SLC12A2: variants seen among roughly 807,000 people sequenced by gnomAD.
SLC12A2 encodes the protein Na-K-2Cl cotransporter 1.
A neutral mutation model predicts 136.3 loss-of-function variants in SLC12A2; 67 were observed. That is an observed-to-expected ratio of 0.49 (90% CI 0.40 to 0.60). The LOEUF is 0.60. Ranked by LOEUF, SLC12A2 falls within the 20% of genes least tolerant of loss-of-function variation. The pLI is 0.00. For synonymous variants in SLC12A2, 619 were observed against 562.9 expected (o/e 1.10, Z -1.41); for missense variants, 1,322 against 1,534.7 (o/e 0.86, Z 2.32).
At chr5:128,116,400 T>C (rs927583007) in intron 4 of SLC12A2, among the ~76,000 whole-genome samples, 1 of 147,358 alleles carries the variant, frequency 6.8e-6, no homozygotes, top group Non-Finnish European at 1.5e-5. Context: ...TATAAATATA[T>C]ATATATATAT....
At chr5:128,179,948 C>CCTTTTT (rs1763651081) in intron 22 of SLC12A2, among the ~76,000 whole-genome samples, 1 of 50,444 alleles carries the variant, frequency 2.0e-5, no homozygotes, top group Non-Finnish European at 4.0e-5. Flanking sequence ...CCAATCGTTC[C>CCTTTTT]TTTTTTTTTT....
chr5:128,172,689 C>T (rs1030322824), intron 19 of SLC12A2, among the ~76,000 whole-genome samples: 3 of 152,050 alleles, frequency 2.0e-5, no homozygotes, highest in Admixed American at 6.6e-5. Context: ...GGCTGGGCAC[C>T]GTGGCCCATG....
intron 9 of SLC12A2, among the ~76,000 whole-genome samples, chr5:128,141,200 C>T (rs537533906): frequency 6.6e-6 from 1 of 152,196 alleles, no homozygotes; most frequent in South Asian, 2.1e-4. Flanking sequence ...TATTACCCAG[C>T]TTCAAAAAAG....
At position 128,134,077 on chromosome 5, in the gene SLC12A2, G is replaced by C. The variant is rs370619701; in HGVS notation, c.1189-88G>C. On this transcript the variant is annotated intron_variant, in intron 5 of 26. Coordinates refer to ENST00000262461, the MANE Select transcript of SLC12A2 (RefSeq NM_001046.3). ...ATTCAACTTCTTCATGTAAGGCACC[G>C]TAATATCTCTAAAATGTTTCAAAAG... 2.3e-5 allele frequency: 16 copies of C among 688,828 alleles called. No individual in the cohort carries two copies. The African/African-American group carries it at 2.7e-4, about 12-fold the overall frequency. The allele number at this position is 688,828 out of a possible 1,614,324, so 42.7% of individuals were successfully genotyped here. A position where few individuals can be genotyped will look rare whatever the true frequency, so the allele number is the denominator to read the frequency against.
intron 1 of SLC12A2, among the ~76,000 whole-genome samples, chr5:128,092,773 A>G (rs762908396): frequency 4.7e-4 from 72 of 152,280 alleles, no homozygotes; most frequent in Admixed American, 1.6e-3. Context: ...TTTGATTACT[A>G]TATTGGACAG....
Position 128,174,686 on chromosome 5 carries a change from T to G in SLC12A2, c.2929+20T>G, listed in dbSNP as rs1763487678. 1 of 1,526,618 alleles carries G rather than the reference T, an allele frequency of 6.6e-7. No homozygotes were observed. Among genetic ancestry groups the G allele is most frequent in the Admixed American group, 2.0e-5 (1 of 48,834 alleles). The allele number at this position is 1,526,618 out of a possible 1,614,324, so 94.6% of individuals were successfully genotyped here. Reference sequence around the variant, plus strand: ...ACAAAGGTAATTTTCATTCAAACAATAAGTCTTATTAATAGTAATGTTTTA... The same window carrying G: ...ACAAAGGTAATTTTCATTCAAACAAGAAGTCTTATTAATAGTAATGTTTTA... On this transcript the variant is annotated intron_variant, in intron 20 of 26. Transcript: ENST00000262461.
intron 1 of SLC12A2, among the ~76,000 whole-genome samples, chr5:128,100,012 A>C (rs1462427051): frequency 6.6e-6 from 1 of 152,170 alleles, no homozygotes; most frequent in Non-Finnish European, 1.5e-5. Context: ...TATTGTTATC[A>C]AGTGTTATAT....
At chr5:128,089,252 A>G (rs1760219027) in intron 1 of SLC12A2, among the ~76,000 whole-genome samples, 1 of 151,160 alleles carries the variant, frequency 6.6e-6, no homozygotes. Flanking sequence ...GACAGGCACC[A>G]TGGTAGGAGC....
chr5:128,174,759 C>A, intron 20 of SLC12A2, 93 bp downstream of exon 20: 1 of 1,055,056 alleles, frequency 9.5e-7, no homozygotes, highest in Non-Finnish European at 1.3e-6. Flanking sequence ...ATAAAAATAA[C>A]CTGTTCTCAA....
intron 1 of SLC12A2, among the ~76,000 whole-genome samples, chr5:128,095,816 G>C (rs532821248): frequency 6.6e-5 from 10 of 152,272 alleles, no homozygotes; most frequent in Admixed American, 3.9e-4. Context: ...GTGGTTTTTA[G>C]AGTTTTCCTG....
At chr5:128,126,138 A>C (rs528751117) in intron 4 of SLC12A2, among the ~76,000 whole-genome samples, 11 of 152,284 alleles carry the variant, frequency 7.2e-5, no homozygotes, top group African/African-American at 2.6e-4. Flanking sequence ...TAGCATTTTC[A>C]TATAAATTTT....
At chr5:128,149,308 G>A (rs1762624083) in intron 12 of SLC12A2, among the ~76,000 whole-genome samples, 1 of 151,816 alleles carries the variant, frequency 6.6e-6, no homozygotes, top group African/African-American at 2.4e-5. Flanking sequence ...AAAGGCTGAT[G>A]TACCACAAGT....
intron 4 of SLC12A2, 76 bp downstream of exon 4, chr5:128,114,757 T>C: frequency 1.1e-6 from 1 of 938,172 alleles, no homozygotes; most frequent in Non-Finnish European, 1.7e-6. Context: ...TTTTTAATTA[T>C]TTTTTACTTT....
rs750986604 is a variant in SLC12A2, at chr5:128,109,760, G to T, written c.757-3054G>T. 4.1e-5 allele frequency: 37 copies of T among 898,520 alleles called. No individual in the cohort carries two copies. The Admixed American group carries it at 5.8e-4, about 14-fold the overall frequency. 55.7% of individuals were successfully genotyped at this position (898,520 alleles called of 1,614,324 possible). ...TGGAGTCCAGGTTTTAGACTAAAAG[G>T]ATGGGTCCTTCATGGTAAGATACAG... is the stretch of plus-strand genomic sequence containing the variant. On this transcript the variant is annotated intron_variant, in intron 1 of 26. Coordinates refer to ENST00000262461, the MANE Select transcript of SLC12A2 (RefSeq NM_001046.3).
chr5:128,092,534 A>G (rs544821686), intron 1 of SLC12A2, among the ~76,000 whole-genome samples: 3 of 152,318 alleles, frequency 2.0e-5, no homozygotes, highest in South Asian at 2.1e-4. Context: ...GTCATTTAAA[A>G]AAGTAAAGAA....
At chr5:128,128,650 TC>T (rs1761903819) in intron 4 of SLC12A2, among the ~76,000 whole-genome samples, 1 of 151,960 alleles carries the variant, frequency 6.6e-6, no homozygotes, top group Non-Finnish European at 1.5e-5. Flanking sequence ...TTACTTAACC[TC>T]CCTGAGCTGT....
chr5:128,179,032 T>G (rs1561706738), intron 22 of SLC12A2, among the ~76,000 whole-genome samples: 1 of 152,240 alleles, frequency 6.6e-6, no homozygotes, highest in Non-Finnish European at 1.5e-5. Flanking sequence ...ACAGAAGTGA[T>G]GCTGTGCTCT....
In SLC12A2 at chr5:128,157,142, G is replaced by A. The variant is rs540745860; in HGVS notation, c.2364-911G>A. Among the ~76,000 whole-genome samples the A allele has an allele frequency of 9.2e-5, 14 of 152,238 alleles. 1 individual carries two copies. The South Asian group carries it at 1.9e-3, about 20-fold the overall frequency. ...TTTAAGGACTCCTGTAAACGTTAAC[G>A]TTTAAGTCGGAAATTGTAGTCTGCA... is the stretch of plus-strand genomic sequence containing the variant. On this transcript the variant is annotated intron_variant, in intron 15 of 26. Coordinates refer to ENST00000262461, the MANE Select transcript of SLC12A2 (RefSeq NM_001046.3).
intron 1 of SLC12A2, among the ~76,000 whole-genome samples, chr5:128,101,870 T>C (rs1489559272): frequency 1.3e-5 from 2 of 152,178 alleles, no homozygotes; most frequent in Admixed American, 1.3e-4. Flanking sequence ...TGGCAGATGG[T>C]GTGGGTGATA....
Sources: gnomAD v4.1 joint callset for allele counts (sites outside exome capture counted in the v4.1 genomes callset) on GRCh38, gnomAD v4.1.1 for gene constraint, MANE v1.5 for transcripts, NCBI Gene and HGNC (gene_info 2026-07-23, HGNC 2026-07-21) for gene names.